CNBD2: variants seen among roughly 807,000 people sequenced by gnomAD.
CNBD2 encodes cyclic nucleotide-binding domain-containing protein 2.
CNBD2 carries 64 observed loss-of-function variants against 63.7 expected under a neutral mutation model. That is an observed-to-expected ratio of 1.00 (90% CI 0.82 to 1.24). The LOEUF (loss-of-function observed/expected upper bound fraction) is 1.24. Ranked by LOEUF, CNBD2 falls within the 50% of genes most tolerant of loss-of-function variation. The probability of loss-of-function intolerance (pLI) is 0.00; values close to 1 mark genes in which losing one functional copy is unlikely to be tolerated. For missense variants in CNBD2, 691 were observed against 713.5 expected (o/e 0.97, Z 0.36); for synonymous variants, 229 against 255.4 (o/e 0.90, Z 0.99).
intron 9 of CNBD2, among the ~76,000 whole-genome samples, chr20:36,010,181 C>T (rs1407488314): frequency 6.6e-6 from 1 of 152,138 alleles, no homozygotes; most frequent in South Asian, 2.1e-4. Context: ...CAGAGCAGCA[C>T]AGCCCCCTCC....
chr20:35,966,216 C>A (rs1185054911), upstream of CNBD2, among the ~76,000 whole-genome samples: 3 of 152,138 alleles, frequency 2.0e-5, no homozygotes, highest in Admixed American at 6.6e-5. Context: ...CTAAAACTTT[C>A]TCTTCTTTCT....
chr20:35,967,539 T>G (rs2147186356), upstream of CNBD2, among the ~76,000 whole-genome samples: 1 of 148,194 alleles, frequency 6.7e-6, no homozygotes, highest in East Asian at 2.0e-4. Flanking sequence ...GCTACACTGC[T>G]TTCTTAAAAA....
At chr20:36,020,175 C>A (rs923283422) in intron 10 of CNBD2, among the ~76,000 whole-genome samples, 3 of 152,084 alleles carry the variant, frequency 2.0e-5, no homozygotes, top group Non-Finnish European at 2.9e-5. Context: ...CTCCGCCTCC[C>A]GAGTTTATGC....
downstream of CNBD2, among the ~76,000 whole-genome samples, chr20:35,958,549 C>T (rs1038089691): frequency 1.3e-5 from 2 of 152,188 alleles, no homozygotes; most frequent in Non-Finnish European, 2.9e-5. Flanking sequence ...TAACATCTTG[C>T]ATAACTATAG....
exon 1 of CNBD2, chr20:35,955,078 C>T (rs1379250797): frequency 5.8e-6 from 1 of 171,220 alleles, no homozygotes; most frequent in East Asian, 1.9e-4. Context: ...CCTCCGAAAC[C>T]AAGGGAAATG....
chr20:35,957,151 T>G (rs75090705), downstream of CNBD2, among the ~76,000 whole-genome samples: 8,699 of 152,182 alleles, frequency 0.057, 399 homozygotes, highest in African/African-American at 0.13. Flanking sequence ...ACCTGAGAGA[T>G]CTATTAGAAT....
At chr20:35,987,718 G>C (rs1478866895) in intron 7 of CNBD2, among the ~76,000 whole-genome samples, 185 bp downstream of exon 7, 1 of 152,196 alleles carries the variant, frequency 6.6e-6, no homozygotes, top group African/African-American at 2.4e-5. Flanking sequence ...AGAGACATTA[G>C]ATATATGGCT....
intron 1 of CNBD2, among the ~76,000 whole-genome samples, chr20:35,970,279 G>A (rs2056394197): frequency 6.6e-6 from 1 of 152,088 alleles, no homozygotes; most frequent in Non-Finnish European, 1.5e-5. Context: ...AATAAATTTT[G>A]GATCGTAATC....
At chr20:35,962,225 A>G (rs1006768434) in intron 2 of CNBD2, among the ~76,000 whole-genome samples, 4 of 150,454 alleles carry the variant, frequency 2.7e-5, no homozygotes, top group African/African-American at 4.9e-5. Flanking sequence ...GCAGCTCTCA[A>G]GTGGACAATT....
chr20:36,001,751 C>A (rs2056910854), intron 8 of CNBD2, among the ~76,000 whole-genome samples: 1 of 151,542 alleles, frequency 6.6e-6, no homozygotes, highest in Non-Finnish European at 1.5e-5. Context: ...CTCCTCACAT[C>A]CCAGACGGGG....
chr20:36,003,690 G>A (rs1000306965), intron 8 of CNBD2, among the ~76,000 whole-genome samples: 1 of 152,198 alleles, frequency 6.6e-6, no homozygotes, highest in African/African-American at 2.4e-5. Flanking sequence ...CCAAAACTTA[G>A]CAACTTAAAA....
rs569045490 is a variant in CNBD2, at chr20:36,011,154, C to A, written c.1166C>A (p.Ser389Ter). The A allele has an allele frequency of 3.2e-6, 5 of 1,582,016 alleles. No homozygotes were observed. In the East Asian group the frequency reaches 7.0e-5, roughly 22 times the overall value. ...CATTTCAGATCCAGGCCTGCTCAGT[C>A]GATCAAATGTGCCATGATCAATATC... ...GPKIQSRPAQ[S>*]IKCAMINIKP... The change falls in exon 10 of 12, where the codon TCG (serine) becomes TAG (stop). Residue 389 changes from serine to a stop codon, truncating the protein, a stop_gained. Transcript: ENST00000373973. LOFTEE classifies it high-confidence loss of function.
intron 8 of CNBD2, among the ~76,000 whole-genome samples, chr20:35,998,037 TTTC>T (rs2056848705): frequency 2.0e-5 from 3 of 149,612 alleles, no homozygotes; most frequent in African/African-American, 7.5e-5. Flanking sequence ...CTTTTTTCTT[TTTC>T]TTTTTTTTTT....
chr20:35,963,415 C>T lies in CNBD2; in HGVS notation c.228+5641C>T, dbSNP rs186808789. Reference sequence around the variant, plus strand: ...AAATGGTTTCGGCCGGTCACGGTGGCGGATCACTTGAGGTCAGGAGTTCGA... The same window carrying T: ...AAATGGTTTCGGCCGGTCACGGTGGTGGATCACTTGAGGTCAGGAGTTCGA... On this transcript the variant is annotated intron_variant, in intron 2 of 4. Coordinates refer to the CNBD2 transcript ENST00000622112. Among the ~76,000 whole-genome samples the T allele has an allele frequency of 2.5e-3, 370 of 148,324 alleles. 6 individuals carry two copies. The highest frequency in any genetic ancestry group is 0.022 in the East Asian group (108 of 4,992).
chr20:35,968,009 A>C (rs143310554), upstream of CNBD2, among the ~76,000 whole-genome samples: 1 of 152,190 alleles, frequency 6.6e-6, no homozygotes, highest in African/African-American at 2.4e-5. Flanking sequence ...CTTGTGGGGC[A>C]GGGCTAACTC....
At chr20:36,023,381 G>A (rs552772844) in intron 10 of CNBD2, among the ~76,000 whole-genome samples, 4 of 152,054 alleles carry the variant, frequency 2.6e-5, no homozygotes, top group East Asian at 3.9e-4. Context: ...AAAAGGTAGC[G>A]CATGCCTGTA....
upstream of CNBD2, chr20:35,954,573 G>T: frequency 6.9e-7 from 1 of 1,456,916 alleles, no homozygotes; most frequent in Non-Finnish European, 9.2e-7. Flanking sequence ...TAGCGTTCTC[G>T]AGTCGCATGA....
chr20:35,987,535 T>A lies in CNBD2; in HGVS notation c.855+2T>A. 6.2e-7 allele frequency: 1 copy of A among 1,614,082 alleles called. No homozygotes were observed. On this transcript the variant is annotated splice_donor_variant, in intron 7 of 11. Transcript: ENST00000373973. LOFTEE classifies it high-confidence loss of function. ...CCCTTCATCATGTTTATCAGCAAGG[T>A]GAAAAGTCTGGGGGTTGGGATGAGG... is the stretch of plus-strand genomic sequence containing the variant.
downstream of CNBD2, among the ~76,000 whole-genome samples, chr20:35,956,410 C>G (rs1474454817): frequency 6.6e-6 from 1 of 152,218 alleles, no homozygotes; most frequent in African/African-American, 2.4e-5. Flanking sequence ...TGCTGGTCAA[C>G]AATCAGCTGA....
Sources: gnomAD v4.1 joint callset for allele counts (sites outside exome capture counted in the v4.1 genomes callset) on GRCh38, gnomAD v4.1.1 for gene constraint, MANE v1.5 for transcripts, NCBI Gene and HGNC (gene_info 2026-07-23, HGNC 2026-07-21) for gene names.